NRG2: variants seen among roughly 807,000 people sequenced by gnomAD.
NRG2 encodes neuregulin 2, also known as pro-neuregulin-2, membrane-bound isoform.
In NRG2, 27 loss-of-function variants were observed where a neutral mutation model predicts 73.9. The observed-to-expected ratio is 0.37, with a 90% CI of 0.27 to 0.50. NRG2 has a LOEUF of 0.50. NRG2 is among the 20% of genes least tolerant of loss of function. NRG2 has a pLI of 0.96. For synonymous variants in NRG2, 532 were observed against 541.0 expected, an observed-to-expected ratio of 0.98 and a Z score of 0.23; for missense variants, 1,126 against 1,210.1, an observed-to-expected ratio of 0.93 and a Z score of 1.03.
At chr5:139,854,988 A>G (rs1306570192) in intron 6 of NRG2, among the ~76,000 whole-genome samples, 4 of 152,050 alleles carry the variant, frequency 2.6e-5, no homozygotes, top group African/African-American at 7.2e-5. Flanking sequence ...TGGGCTGCCC[A>G]TGCTCCGGGA....
intron 1 of NRG2, among the ~76,000 whole-genome samples, chr5:140,031,630 C>T (rs1053372661): frequency 1.4e-4 from 21 of 152,110 alleles, no homozygotes; most frequent in Non-Finnish European, 2.5e-4. Context: ...ACTACCTGTT[C>T]GATCCTGACT....
chr5:139,851,588 G>A lies in NRG2; in HGVS notation c.1772+16C>T. 6.2e-7 allele frequency: 1 copy of A among 1,612,210 alleles called. No individual in the cohort carries two copies. The highest frequency in any genetic ancestry group is 8.5e-7 in the Non-Finnish European group (1 of 1,178,698). ...CTCTGGCTAAGCGGGGAATAGGTCA[G>A]GGGGTAGGAACTGACCTCTCGCTGT... is the stretch of plus-strand genomic sequence containing the variant. On this transcript the variant is annotated intron_variant, in intron 9 of 9. Transcript: ENST00000361474. This position sits in a 1 kb window ranked among gnomAD's most constrained non-coding sequence, Gnocchi z 4.2.
At position 139,856,063 on chromosome 5, in the gene NRG2, G is replaced by T. The variant is rs867971248; in HGVS notation, c.1190-285C>A. The T allele has an allele frequency of 1.6e-5, 7 of 442,982 alleles. No homozygotes were observed. Among genetic ancestry groups the T allele is most frequent in the Non-Finnish European group, 1.2e-5 (3 of 241,136 alleles). The allele number at this position is 442,982 out of a possible 1,614,324, so 27.4% of individuals were successfully genotyped here. The stretch of plus-strand genomic sequence containing the variant: ...TGCCCAGAGCACATGAGTGGAAAAT[G>T]CAGGGGAATGGGAAGGGATGGAGTG... On this transcript the variant is annotated intron_variant, in intron 5 of 9. Transcript: ENST00000361474. This position sits in a 1 kb window ranked among gnomAD's most constrained non-coding sequence, Gnocchi z 4.2.
intron 1 of NRG2, among the ~76,000 whole-genome samples, chr5:139,992,317 T>C (rs895766095): frequency 2.0e-5 from 3 of 152,262 alleles, no homozygotes; most frequent in Non-Finnish European, 4.4e-5. Flanking sequence ...AAATTACTTT[T>C]ACATATTCAT....
At chr5:139,855,899 C>T (rs1388092855) in intron 5 of NRG2, 121 bp from the exon 6 acceptor site, 22 of 692,904 alleles carry the variant, frequency 3.2e-5, no homozygotes, top group South Asian at 5.0e-5. Context: ...CTGCCCAGCT[C>T]CTTTCCATCC....
intron 1 of NRG2, among the ~76,000 whole-genome samples, chr5:139,952,394 G>A (rs1432235087): frequency 6.6e-6 from 1 of 152,210 alleles, no homozygotes; most frequent in Admixed American, 6.5e-5. Context: ...GGAAACAGGT[G>A]GGTGGGCAGA....
intron 1 of NRG2, among the ~76,000 whole-genome samples, chr5:140,003,429 G>C (rs938791475): frequency 6.6e-6 from 1 of 152,234 alleles, no homozygotes; most frequent in African/African-American, 2.4e-5. Flanking sequence ...GTAAGAGGGA[G>C]GTAGGAGGAT....
chr5:139,962,229 A>G (rs575287532), intron 1 of NRG2, among the ~76,000 whole-genome samples: 1 of 152,324 alleles, frequency 6.6e-6, no homozygotes, highest in African/African-American at 2.4e-5. Flanking sequence ...CCTGGAGCAG[A>G]TCACATGGCA....
intron 1 of NRG2, among the ~76,000 whole-genome samples, chr5:139,935,785 C>G (rs948309371): frequency 2.0e-5 from 3 of 151,764 alleles, no homozygotes; most frequent in African/African-American, 7.3e-5. Context: ...CATGGCAAAA[C>G]CCCATCTCTA....
chr5:140,043,021 C>T lies in NRG2; in HGVS notation c.49G>A (p.Gly17Ser), dbSNP rs1762095490. ...SALPPPPLEK[G>S]RCSSYSDSSS... ...CTGTCGCTGTAGCTGCTGCACCGAC[C>T]CTTCTCCAGTGGCGGCGGCGGCAGC... Residue 17 changes from glycine to serine, a missense_variant, in exon 1 of 10, where the codon GGT (glycine) becomes AGT (serine). By Grantham distance (56) the Gly-to-Ser change is moderately conservative (BLOSUM62 0). This residue lies in a region of NRG2 where 185 missense variants were observed against 149.0 expected (regional missense o/e 1.24). Transcript: ENST00000361474. This position sits in a 1 kb window ranked among gnomAD's most constrained non-coding sequence, Gnocchi z 6.7. The T allele has an allele frequency of 6.3e-7, 1 of 1,576,266 alleles. No homozygotes were observed. The highest frequency in any genetic ancestry group is 2.3e-5 in the East Asian group (1 of 43,372).
rs758966221 is a variant in NRG2 at position 139,904,444 on chromosome 5, C to T, written c.701-16933G>A. ...TGGGACGGCCTCAGCTCTCCGCTGC[C>T]GCGCTGCGCCCCCGCCGCCTGCAGC... On this transcript the variant is annotated intron_variant, in intron 1 of 9. Coordinates refer to ENST00000361474, the MANE Select transcript of NRG2 (RefSeq NM_004883.3). This position sits in a 1 kb window ranked among gnomAD's most constrained non-coding sequence, Gnocchi z 6.0. 2 of 1,179,160 alleles carry T rather than the reference C, an allele frequency of 1.7e-6. No individual in the cohort carries two copies. Among genetic ancestry groups the T allele is most frequent in the Non-Finnish European group, 2.4e-6 (2 of 830,044 alleles). 73.0% of individuals were successfully genotyped at this position (1,179,160 alleles called of 1,614,324 possible). A position where few individuals can be genotyped will look rare whatever the true frequency, so the allele number is the denominator to read the frequency against.
chr5:139,870,559 C>A lies in NRG2; in HGVS notation c.1112+1162G>T, dbSNP rs1160679204. ...GCAGGGGAGCTGAGAAGTGTTGAGT[C>A]TGACCTTGCCTGGGGGAAGGTCAAA... is the stretch of plus-strand genomic sequence containing the variant. On this transcript the variant is annotated intron_variant, in intron 4 of 9. Coordinates refer to ENST00000361474, the MANE Select transcript of NRG2 (RefSeq NM_004883.3). This position sits in a 1 kb window ranked among gnomAD's most constrained non-coding sequence, Gnocchi z 4.4. Among the ~76,000 whole-genome samples the A allele has an allele frequency of 6.6e-6, 1 of 152,186 alleles. No individual in the cohort carries two copies. Among genetic ancestry groups the A allele is most frequent in the Non-Finnish European group, 1.5e-5 (1 of 68,028 alleles).
At chr5:139,893,530 C>T (rs1427608663) in intron 1 of NRG2, among the ~76,000 whole-genome samples, 2 of 152,218 alleles carry the variant, frequency 1.3e-5, no homozygotes, top group South Asian at 2.1e-4. Context: ...ACCCTGATCC[C>T]TGCAGCAGCT....
chr5:139,967,817 G>C (rs1755652276), intron 1 of NRG2, among the ~76,000 whole-genome samples: 1 of 151,946 alleles, frequency 6.6e-6, no homozygotes, highest in Non-Finnish European at 1.5e-5. Flanking sequence ...AAATTAGCCA[G>C]GCGTGGTGGC....
chr5:139,869,263 C>T lies in NRG2; in HGVS notation c.1112+2458G>A, dbSNP rs1172036196. ...TACACAACAACAAGTGTAAGAAAAC[C>T]AGGAAGGAAAACTGATTTTTATAGA... On this transcript the variant is annotated intron_variant, in intron 4 of 9. Transcript: ENST00000361474. This position sits in a 1 kb window ranked among gnomAD's most constrained non-coding sequence, Gnocchi z 4.5. The T allele has an allele frequency of 6.6e-6, 1 of 152,112 alleles. No homozygotes were observed. The highest frequency in any genetic ancestry group is 2.4e-5 in the African/African-American group (1 of 41,414). 9.4% of individuals were successfully genotyped at this position (152,112 alleles called of 1,614,324 possible). A position where few individuals can be genotyped will look rare whatever the true frequency, so the allele number is the denominator to read the frequency against.
chr5:139,861,186 C>T (rs925473375), intron 5 of NRG2, among the ~76,000 whole-genome samples: 1 of 152,216 alleles, frequency 6.6e-6, no homozygotes, highest in Admixed American at 6.5e-5. Context: ...ACGGCATGAG[C>T]TCAGCATGCG....
chr5:140,026,618 AAAAAGAAAAG>A (rs949975232), intron 1 of NRG2, among the ~76,000 whole-genome samples: 5 of 152,200 alleles, frequency 3.3e-5, no homozygotes, highest in Admixed American at 6.5e-5. Context: ...TCTCCAGAAA[AAAAAGAAAAG>A]AAAAGAAAAG....
At chr5:139,917,659 T>A (rs1229803734) in intron 1 of NRG2, among the ~76,000 whole-genome samples, 1 of 152,232 alleles carries the variant, frequency 6.6e-6, no homozygotes, top group Non-Finnish European at 1.5e-5. Flanking sequence ...TTTATTCAGA[T>A]CCTTGACTCA....
intron 9 of NRG2, 57 bp from the exon 10 acceptor site, chr5:139,848,754 G>C: frequency 3.7e-6 from 3 of 817,104 alleles, no homozygotes; most frequent in Non-Finnish European, 5.2e-6. Flanking sequence ...GCGGGGGAGG[G>C]GGGGTTGGGG....
Sources: allele counts gnomAD v4.1 joint callset (sites outside exome capture counted in the v4.1 genomes callset), GRCh38; gene constraint gnomAD v4.1.1; regional missense constraint gnomAD v4.1.1; non-coding constraint Gnocchi (gnomAD v3.1); transcripts MANE v1.5; gene names NCBI Gene and HGNC (gene_info 2026-07-23, HGNC 2026-07-21).